Variants in ST8SIA6 observed in about 807,000 individuals in gnomAD.
ST8SIA6 encodes alpha-2,8-sialyltransferase 8F.
A neutral mutation model predicts 33.6 loss-of-function variants in ST8SIA6; 39 were observed. That is an observed-to-expected ratio of 1.16 (90% CI 0.90 to 1.52). The LOEUF (loss-of-function observed/expected upper bound fraction) is 1.52. Ranked by LOEUF, ST8SIA6 falls within the 40% of genes most tolerant of loss-of-function variation. The pLI, the probability that ST8SIA6 is intolerant of heterozygous loss-of-function variation, is 0.00. For synonymous variants in ST8SIA6, 172 were observed against 167.2 expected, an observed-to-expected ratio of 1.03 and a Z score of -0.22; for missense variants, 441 against 443.8, an observed-to-expected ratio of 0.99 and a Z score of 0.06.
At chr10:17,370,413 ATTC>A (rs1383602397) in intron 3 of ST8SIA6, among the ~76,000 whole-genome samples, 1 of 151,548 alleles carries the variant, frequency 6.6e-6, no homozygotes, top group African/African-American at 2.4e-5. Flanking sequence ...TTGTTTCTCT[ATTC>A]TTCTTTTATA....
chr10:17,333,680 T>TATATATAG (rs1848374473), intron 4 of ST8SIA6, among the ~76,000 whole-genome samples: 4 of 19,450 alleles, frequency 2.1e-4, no homozygotes, highest in South Asian at 3.5e-3. Context: ...GGGATATATA[T>TATATATAG]ATATATATAT....
At chr10:17,325,041 A>G (rs1848081099) in intron 6 of ST8SIA6, among the ~76,000 whole-genome samples, 1 of 142,470 alleles carries the variant, frequency 7.0e-6, no homozygotes, top group South Asian at 2.2e-4. Context: ...TGTATTTATT[A>G]TATGTATATA....
Position 17,321,020 on chromosome 10 carries a change from T to A in ST8SIA6, c.1055A>T (p.Asp352Val). The stretch of plus-strand genomic sequence containing the variant: ...ATAATAGTGATGGCTGACAGGTATG[T>A]CTTCTACAGTTTTAGAGAAGGGCCA... ...GFWPFSKTVEDIPVSHHYYDN... is the reference protein window; with the variant it reads ...GFWPFSKTVEVIPVSHHYYDN... The change falls in exon 8 of 8, where the codon GAC becomes GTC. Residue 352 changes from aspartate to valine, a missense_variant. Transcript: ENST00000377602. 6.2e-7 allele frequency: 1 copy of A among 1,614,092 alleles called. No individual in the cohort carries two copies.
chr10:17,371,050 G>T (rs907141646), intron 3 of ST8SIA6, among the ~76,000 whole-genome samples: 1 of 152,182 alleles, frequency 6.6e-6, no homozygotes, highest in Non-Finnish European at 1.5e-5. Context: ...GAAATCAGCA[G>T]CTTCTGGATT....
At chr10:17,347,468 C>T (rs1439424415) in intron 4 of ST8SIA6, among the ~76,000 whole-genome samples, 1 of 151,616 alleles carries the variant, frequency 6.6e-6, no homozygotes, top group African/African-American at 2.4e-5. Flanking sequence ...AAGGTGGTGA[C>T]CTGTTGTGGT....
rs368526730 is a variant in ST8SIA6 at position 17,390,593 on chromosome 10, T to G, written c.228A>C (p.Gln76His). Reference protein sequence around the residue: ...NSTYLNEKSLQLTEKCKNLQY... With the variant: ...NSTYLNEKSLHLTEKCKNLQY... ...GCAGATTTTTGCATTTCTCCGTCAG[T>G]TGGAGCGACTTCTCATTCAGATATG... Residue 76 changes from glutamine to histidine, a missense_variant, in exon 3 of 8, where the codon CAA becomes CAC. Coordinates refer to ENST00000377602, the MANE Select transcript of ST8SIA6 (RefSeq NM_001004470.3). 1 of 1,613,990 alleles carries G rather than the reference T, an allele frequency of 6.2e-7. No individual in the cohort carries two copies. Among genetic ancestry groups the G allele is most frequent in the Non-Finnish European group, 8.5e-7 (1 of 1,179,920 alleles).
At chr10:17,432,825 A>G (rs111296826) in intron 2 of ST8SIA6, among the ~76,000 whole-genome samples, 1,881 of 152,318 alleles carry the variant, frequency 0.012, 28 homozygotes, top group African/African-American at 0.043. Context: ...GTTTTGGCCA[A>G]TCCCAGCGGC....
Position 17,320,838 on chromosome 10 carries a change from T to G in ST8SIA6, c.*40A>C. ...TTTGGAGACATTGTTAATCACCTAC[T>G]GCATTATATTAAAATTATTCCCATT... On this transcript the variant is annotated 3_prime_UTR_variant, in exon 8 of 8. Transcript: ENST00000377602. 1 of 1,586,492 alleles carries G rather than the reference T, an allele frequency of 6.3e-7. No individual in the cohort carries two copies. The highest frequency in any genetic ancestry group is 8.6e-7 in the Non-Finnish European group (1 of 1,157,606).
chr10:17,322,057 T>G (rs1248805653), intron 7 of ST8SIA6, among the ~76,000 whole-genome samples: 2 of 150,100 alleles, frequency 1.3e-5, no homozygotes, highest in African/African-American at 4.9e-5. Flanking sequence ...GACCTGTGAT[T>G]GCACTGCTGC....
intron 2 of ST8SIA6, among the ~76,000 whole-genome samples, chr10:17,448,499 G>T (rs185026359): frequency 1.3e-5 from 2 of 152,190 alleles, no homozygotes; most frequent in Non-Finnish European, 2.9e-5. Flanking sequence ...ACACAAGCTT[G>T]TGCGGGCCGT....
intron 3 of ST8SIA6, among the ~76,000 whole-genome samples, chr10:17,371,460 A>C (rs1018415355): frequency 2.0e-5 from 3 of 152,092 alleles, no homozygotes; most frequent in Non-Finnish European, 4.4e-5. Context: ...AGTGTCAAAA[A>C]TAAGGAGACG....
At chr10:17,363,881 T>G (rs1849475416) in intron 3 of ST8SIA6, among the ~76,000 whole-genome samples, 1 of 152,162 alleles carries the variant, frequency 6.6e-6, no homozygotes, top group African/African-American at 2.4e-5. Context: ...TCATTCATTA[T>G]CCCCATAGTT....
chr10:17,348,083 CA>C (rs55680958), intron 4 of ST8SIA6, among the ~76,000 whole-genome samples: 31,905 of 145,396 alleles, frequency 0.22, 3,473 homozygotes, highest in African/African-American at 0.27. Flanking sequence ...AATTTGCAGA[CA>C]AAAAAAAAAT....
intron 2 of ST8SIA6, among the ~76,000 whole-genome samples, chr10:17,420,029 AAGG>A (rs1348661007): frequency 6.6e-5 from 10 of 151,326 alleles, no homozygotes; most frequent in Non-Finnish European, 1.2e-4. Context: ...CCAAATGGAT[AAGG>A]AGGAGGTTTT....
At chr10:17,450,661 C>G (rs112985576) in intron 2 of ST8SIA6, among the ~76,000 whole-genome samples, 2,059 of 152,240 alleles carry the variant, frequency 0.014, 26 homozygotes, top group Non-Finnish European at 0.022. Flanking sequence ...AGGCTAGTCT[C>G]GAACTCCTGA....
intron 4 of ST8SIA6, among the ~76,000 whole-genome samples, chr10:17,352,385 C>T (rs1304132417): frequency 6.6e-6 from 1 of 151,918 alleles, no homozygotes; most frequent in Non-Finnish European, 1.5e-5. Context: ...ATGATTAAAG[C>T]AAAGGATAGG....
intron 4 of ST8SIA6, among the ~76,000 whole-genome samples, chr10:17,334,344 C>A (rs1174724967): frequency 6.6e-6 from 1 of 151,198 alleles, no homozygotes; most frequent in African/African-American, 2.4e-5. Context: ...TCGAGACCAT[C>A]CTGGCTAACA....
At chr10:17,424,032 A>C (rs1425438367) in intron 2 of ST8SIA6, among the ~76,000 whole-genome samples, 1 of 152,130 alleles carries the variant, frequency 6.6e-6, no homozygotes, top group Non-Finnish European at 1.5e-5. Flanking sequence ...TGCCTGCAGC[A>C]ACATTCTCTC....
intron 2 of ST8SIA6, among the ~76,000 whole-genome samples, chr10:17,414,389 G>C (rs1851542162): frequency 6.6e-6 from 1 of 152,078 alleles, no homozygotes; most frequent in South Asian, 2.1e-4. Context: ...ACTCTCTGCT[G>C]CTGATGACCT....
Sources: allele counts gnomAD v4.1 joint callset (sites outside exome capture counted in the v4.1 genomes callset), GRCh38; gene constraint gnomAD v4.1.1; transcripts MANE v1.5; gene names NCBI Gene and HGNC (gene_info 2026-07-23, HGNC 2026-07-21).